The following CADPS2 variants were observed in gnomAD, a reference collection of about 807,000 sequenced individuals.
CADPS2 encodes calcium dependent secretion activator 2.
A neutral mutation model predicts 172.5 loss-of-function variants in CADPS2; 93 were observed. That is an observed-to-expected ratio of 0.54 (90% CI 0.46 to 0.64). The LOEUF (loss-of-function observed/expected upper bound fraction) is 0.64. Ranked by LOEUF, CADPS2 falls within the 30% of genes least tolerant of loss-of-function variation. The probability of loss-of-function intolerance (pLI) is 0.00; values close to 1 mark genes in which losing one functional copy is unlikely to be tolerated. For missense variants in CADPS2, 1,420 were observed against 1,565.9 expected, an observed-to-expected ratio of 0.91 and a Z score of 1.57; for synonymous variants, 546 against 555.2, an observed-to-expected ratio of 0.98 and a Z score of 0.23.
intron 28 of CADPS2, among the ~76,000 whole-genome samples, chr7:122,336,511 T>C (rs2035878390): frequency 6.6e-6 from 1 of 152,190 alleles, no homozygotes. Context: ...GCTCTACATA[T>C]AGAGGTCAGA....
intron 7 of CADPS2, among the ~76,000 whole-genome samples, chr7:122,562,313 G>C (rs958073840): frequency 2.0e-5 from 3 of 152,148 alleles, no homozygotes; most frequent in Non-Finnish European, 2.9e-5. Flanking sequence ...TCTGAAACAC[G>C]GCAGAGGAAG....
chr7:122,744,496 C>T (rs1388440760), intron 1 of CADPS2, among the ~76,000 whole-genome samples: 6 of 152,086 alleles, frequency 3.9e-5, no homozygotes, highest in Non-Finnish European at 2.9e-5. Flanking sequence ...TTTTTCCATG[C>T]TATTTCATAT....
chr7:122,699,137 G>T lies in CADPS2; in HGVS notation c.454-35568C>A, dbSNP rs1471113181. On this transcript the variant is annotated intron_variant, in intron 2 of 29. Transcript: ENST00000449022. The stretch of plus-strand genomic sequence containing the variant: ...TAGATTGAAAAATAAATCCCCTACT[G>T]TTAACTCTAGATACTGCTTACTATT... 8 of 506,048 alleles carry T rather than the reference G, an allele frequency of 1.6e-5. No individual in the cohort carries two copies. In the Admixed American group the frequency reaches 3.1e-4, roughly 19 times the overall value. 31.3% of individuals were successfully genotyped at this position (506,048 alleles called of 1,614,324 possible). A position where few individuals can be genotyped will look rare whatever the true frequency, so the allele number is the denominator to read the frequency against.
intron 20 of CADPS2, among the ~76,000 whole-genome samples, chr7:122,407,131 G>T (rs946049799): frequency 1.3e-5 from 2 of 152,114 alleles, no homozygotes; most frequent in Non-Finnish European, 2.9e-5. Flanking sequence ...CAATATTACC[G>T]CAATGGACTT....
At chr7:122,766,930 G>C (rs1208130567) in intron 1 of CADPS2, among the ~76,000 whole-genome samples, 1 of 152,076 alleles carries the variant, frequency 6.6e-6, no homozygotes, top group Non-Finnish European at 1.5e-5. Flanking sequence ...AATAACAATA[G>C]TATCTATTTG....
At chr7:122,806,708 C>T (rs892606743) in intron 1 of CADPS2, among the ~76,000 whole-genome samples, 1 of 152,118 alleles carries the variant, frequency 6.6e-6, no homozygotes, top group African/African-American at 2.4e-5. Context: ...CTAAGAATTT[C>T]CCCCAGACCT....
At chr7:122,726,321 G>T (rs776240804) in intron 2 of CADPS2, among the ~76,000 whole-genome samples, 13 of 152,120 alleles carry the variant, frequency 8.5e-5, no homozygotes, top group African/African-American at 3.1e-4. Context: ...AGTGTACTAG[G>T]AAACAGACGA....
chr7:122,355,602 C>A (rs200625068), intron 27 of CADPS2, among the ~76,000 whole-genome samples: 1 of 151,642 alleles, frequency 6.6e-6, no homozygotes, highest in East Asian at 1.9e-4. Flanking sequence ...AAAAAAATTC[C>A]GACAAGTGAC....
intron 3 of CADPS2, among the ~76,000 whole-genome samples, chr7:122,638,097 T>C (rs564023841): frequency 6.6e-6 from 1 of 152,304 alleles, no homozygotes; most frequent in South Asian, 2.1e-4. Flanking sequence ...TCACCAGGTT[T>C]GCTCCTAGGC....
chr7:122,766,918 G>C (rs533305735), intron 1 of CADPS2, among the ~76,000 whole-genome samples: 1 of 152,120 alleles, frequency 6.6e-6, no homozygotes, highest in South Asian at 2.1e-4. Flanking sequence ...ATATGAGGTA[G>C]GAATAACAAT....
chr7:122,386,339 G>A (rs2043668246), intron 24 of CADPS2: 1 of 1,347,646 alleles, frequency 7.4e-7, no homozygotes, highest in Non-Finnish European at 9.8e-7. Flanking sequence ...GAAAAAAAAA[G>A]ATGATGAAAG....
intron 2 of CADPS2, among the ~76,000 whole-genome samples, chr7:122,671,810 G>A (rs140943603): frequency 6.6e-6 from 1 of 151,796 alleles, no homozygotes; most frequent in East Asian, 1.9e-4. Context: ...ATTTAGCAGA[G>A]GAGTAGTGAG....
Position 122,554,557 on chromosome 7 carries a change from G to A in CADPS2, c.1468C>T (p.His490Tyr), listed in dbSNP as rs1368009249. The A allele has an allele frequency of 1.9e-6, 3 of 1,592,318 alleles. No homozygotes were observed. Among genetic ancestry groups the A allele is most frequent in the South Asian group, 2.3e-5 (2 of 86,382 alleles). ...CCTCAAATTTATACTCACCCACTAT[G>A]CTTCATATGTGCTGGTTTATCCATT... ...VRMDKPAHMK[H>Y]SGYLYALGQK... The change falls in exon 8 of 30, where the codon CAT becomes TAT. Residue 490 changes from histidine (H) to tyrosine (Y), a missense_variant. Transcript: ENST00000449022.
At position 122,886,260 on chromosome 7, in the gene CADPS2, G is replaced by A. The variant is rs548984807; in HGVS notation, c.78C>T (p.Ala26=). 405 of 1,500,382 alleles carry A rather than the reference G, an allele frequency of 2.7e-4. 7 individuals carry two copies. The South Asian group carries it at 4.3e-3, about 16-fold the overall frequency. The allele number at this position is 1,500,382 out of a possible 1,614,324, so 92.9% of individuals were successfully genotyped here. ...EEESRDVLVA[A]GSSQRAPPAP... ...CTGGAGGAGCTCGCTGCGAGCTGCCGGCTGCCACCAGCACATCGCGGCTTT... is the reference window on the plus strand; with the variant it reads ...CTGGAGGAGCTCGCTGCGAGCTGCCAGCTGCCACCAGCACATCGCGGCTTT... Residue 26 remains alanine (A), a synonymous_variant, in exon 1 of 30, where the codon GCC becomes GCT. Coordinates refer to ENST00000449022, the MANE Select transcript of CADPS2 (RefSeq NM_017954.11).
At chr7:122,416,296 C>CAAA (rs35971020) in intron 17 of CADPS2, 132 bp from the exon 18 acceptor site, 11 of 335,992 alleles carry the variant, frequency 3.3e-5, no homozygotes, top group South Asian at 1.0e-4. Flanking sequence ...ATTATTTAGA[C>CAAA]AAAAAAAAAA....
chr7:122,494,374 G>A (rs2058565339), intron 9 of CADPS2, among the ~76,000 whole-genome samples: 1 of 152,066 alleles, frequency 6.6e-6, no homozygotes, highest in African/African-American at 2.4e-5. Context: ...GCATATAAGC[G>A]GTTTGGTTAA....
At chr7:122,819,803 C>A (rs925088690) in intron 1 of CADPS2, among the ~76,000 whole-genome samples, 4 of 152,034 alleles carry the variant, frequency 2.6e-5, no homozygotes, top group Admixed American at 6.6e-5. Context: ...TGTATCCCCC[C>A]ACCTTAATTC....
chr7:122,726,280 T>C (rs1457780559), intron 2 of CADPS2, among the ~76,000 whole-genome samples: 2 of 152,052 alleles, frequency 1.3e-5, no homozygotes, highest in Non-Finnish European at 2.9e-5. Context: ...TGATAATCAA[T>C]ACAAAATTAA....
At chr7:122,722,327 A>C (rs2090519982) in intron 2 of CADPS2, among the ~76,000 whole-genome samples, 2 of 152,064 alleles carry the variant, frequency 1.3e-5, no homozygotes, top group Admixed American at 1.3e-4. Context: ...TTAAGCTGAT[A>C]AGCAACTTCA....
Sources: gnomAD v4.1 joint callset for allele counts (sites outside exome capture counted in the v4.1 genomes callset) on GRCh38, gnomAD v4.1.1 for gene constraint, MANE v1.5 for transcripts, NCBI Gene and HGNC (gene_info 2026-07-23, HGNC 2026-07-21) for gene names.